The following MAP3K19 variants were observed in gnomAD, a reference collection of about 807,000 sequenced individuals.
MAP3K19 encodes mitogen-activated protein kinase kinase kinase 19.
In MAP3K19, 91 loss-of-function variants were observed where a neutral mutation model predicts 114.4. That is an observed-to-expected ratio of 0.80 (90% CI 0.67 to 0.95). The LOEUF is 0.95. Among genes scored for constraint, MAP3K19 ranks in the 40% least tolerant of loss-of-function variants. MAP3K19 has a pLI of 0.00. For missense variants in MAP3K19, 1,471 were observed against 1,573.2 expected, an observed-to-expected ratio of 0.94 and a Z score of 1.10; for synonymous variants, 518 against 530.5, an observed-to-expected ratio of 0.98 and a Z score of 0.32.
At position 135,031,007 on chromosome 2, in the gene MAP3K19, G is replaced by A. The variant is rs143398797; in HGVS notation, c.-283-507C>T. On this transcript the variant is annotated intron_variant, in intron 2 of 12. Transcript: ENST00000392915. ...ACAAGTATTTCTGCAAGTGTTTCTAGAAAGAGAGTAAACTCTATTCAATAT... is the reference window on the plus strand; with the variant it reads ...ACAAGTATTTCTGCAAGTGTTTCTAAAAAGAGAGTAAACTCTATTCAATAT... Among the ~76,000 whole-genome samples, 25 of 152,290 alleles carry A rather than the reference G, an allele frequency of 1.6e-4. No homozygotes were observed. In the East Asian group the frequency reaches 4.8e-3, roughly 29 times the overall value.
intron 5 of MAP3K19, among the ~76,000 whole-genome samples, chr2:135,016,593 T>C (rs1471287689): frequency 6.6e-6 from 1 of 152,180 alleles, no homozygotes; most frequent in Non-Finnish European, 1.5e-5. Flanking sequence ...CAAACGAATT[T>C]GGCAGAATTG....
intron 12 of MAP3K19, among the ~76,000 whole-genome samples, chr2:134,965,294 T>TA (rs1285081082): frequency 1.3e-5 from 2 of 152,232 alleles, no homozygotes; most frequent in South Asian, 2.1e-4. Context: ...AATTCACACT[T>TA]ACATTTACTT....
At chr2:135,015,073 T>G (rs965883524) in intron 5 of MAP3K19, among the ~76,000 whole-genome samples, 9 of 152,352 alleles carry the variant, frequency 5.9e-5, no homozygotes, top group African/African-American at 2.2e-4. Context: ...GGAGCAGAAT[T>G]GCTGGATTAT....
intron 12 of MAP3K19, among the ~76,000 whole-genome samples, chr2:134,971,123 C>G (rs1021746995): frequency 6.6e-6 from 1 of 152,090 alleles, no homozygotes; most frequent in East Asian, 1.9e-4. Context: ...GTTTTTATCA[C>G]AAAGGGATGT....
chr2:135,020,256 C>T (rs761990184), intron 5 of MAP3K19, among the ~76,000 whole-genome samples: 11 of 152,060 alleles, frequency 7.2e-5, no homozygotes, highest in South Asian at 6.2e-4. Context: ...TGACCTCAGG[C>T]GATCCACCTG....
chr2:134,977,642 G>A (rs1488108024), intron 12 of MAP3K19, among the ~76,000 whole-genome samples: 7 of 152,046 alleles, frequency 4.6e-5, no homozygotes, highest in South Asian at 2.1e-4. Flanking sequence ...GATTACTGGC[G>A]TGAGCCACCG....
chr2:135,040,786 AAG>A (rs1688631057), intron 1 of MAP3K19, among the ~76,000 whole-genome samples: 1 of 152,156 alleles, frequency 6.6e-6, no homozygotes, highest in African/African-American at 2.4e-5. Flanking sequence ...ATTATTTTGG[AAG>A]ATCTGCTGTG....
At position 134,986,691 on chromosome 2, in the gene MAP3K19, C is replaced by A. The variant is rs148962037; in HGVS notation, c.2181G>T (p.Lys727Asn). 185 of 1,614,098 alleles carry A rather than the reference C, an allele frequency of 1.1e-4. No individual in the cohort carries two copies. The African/African-American group carries it at 2.0e-3, about 17-fold the overall frequency. The change falls in exon 10 of 13, where the codon AAG becomes AAT. Residue 727 changes from lysine to asparagine, a missense_variant. Coordinates refer to ENST00000392915, the MANE Select transcript of MAP3K19 (RefSeq NM_025052.5). ...SQKKTHMKCP[K>N]TSFGIKQEHK... ...GCTCTTGTTTAATGCCAAATGAAGT[C>A]TTTGGGCATTTCATATGTGTTTTTT... is the stretch of plus-strand genomic sequence containing the variant.
intron 5 of MAP3K19, among the ~76,000 whole-genome samples, chr2:135,006,970 C>T (rs971886571): frequency 6.6e-6 from 1 of 151,916 alleles, no homozygotes; most frequent in Non-Finnish European, 1.5e-5. Context: ...TTGAGGCCAG[C>T]CTGGACAACA....
At chr2:135,021,628 T>G in intron 5 of MAP3K19, 87 bp downstream of exon 5, 1 of 662,834 alleles carries the variant, frequency 1.5e-6, no homozygotes. Flanking sequence ...AATTGTAATA[T>G]ATGAGTGTTA....
At chr2:135,029,511 T>C (rs988920390) in intron 3 of MAP3K19, among the ~76,000 whole-genome samples, 1 of 152,246 alleles carries the variant, frequency 6.6e-6, no homozygotes, top group Non-Finnish European at 1.5e-5. Context: ...TAGACTATCA[T>C]TTAGTCCAAC....
rs79861972 is a variant in MAP3K19 at position 134,978,966 on chromosome 2, G to A, written c.3920+1855C>T. On this transcript the variant is annotated intron_variant, in intron 12 of 12. Transcript: ENST00000392915. The stretch of plus-strand genomic sequence containing the variant: ...GGCCTGACTTCCCAGAACTTGATCT[G>A]TCAATAGGAGTACCCCCTCCATGCT... Among the ~76,000 whole-genome samples, 1,240 of 152,236 alleles carry A rather than the reference G, an allele frequency of 8.1e-3. 10 individuals are homozygous for A. Among genetic ancestry groups the A allele is most frequent in the African/African-American group, 0.028 (1,166 of 41,526 alleles).
intron 5 of MAP3K19, among the ~76,000 whole-genome samples, chr2:135,009,661 G>A (rs915308941): frequency 4.6e-5 from 7 of 152,006 alleles, no homozygotes; most frequent in South Asian, 4.2e-4. Flanking sequence ...GTTGGAAGCC[G>A]GCAGTGTGGT....
At position 134,983,715 on chromosome 2, in the gene MAP3K19, C is replaced by G. The variant is rs752844232; in HGVS notation, c.3183G>C (p.Trp1061Cys). ...CCTTTCCAAGAATCTCACCCTTGGT[C>G]CATAGGATAGGTTCTTCAGACTTTA... ...NSLKSEEPIL[W>C]TKGEILGKGA... Residue 1061 changes from tryptophan to cysteine, a missense_variant, in exon 11 of 13, where the codon TGG becomes TGC. Physicochemically the swap from Trp to Cys is radical, Grantham distance 215 (BLOSUM62 -2). Transcript: ENST00000392915. The G allele has an allele frequency of 1.9e-6, 3 of 1,592,050 alleles. No individual in the cohort carries two copies. In the East Asian group the frequency reaches 6.7e-5, roughly 36 times the overall value.
intron 3 of MAP3K19, among the ~76,000 whole-genome samples, chr2:135,028,319 G>C (rs1264017592): frequency 6.6e-6 from 1 of 152,160 alleles, no homozygotes; most frequent in Non-Finnish European, 1.5e-5. Context: ...ACTTTAGAAG[G>C]CTGAGGCATG....
intron 12 of MAP3K19, among the ~76,000 whole-genome samples, chr2:134,965,987 C>G (rs1683317340): frequency 1.3e-5 from 2 of 151,828 alleles, no homozygotes; most frequent in South Asian, 4.1e-4. Flanking sequence ...TGGTATTTGT[C>G]TTGCTGGGCC....
intron 1 of MAP3K19, among the ~76,000 whole-genome samples, chr2:135,040,785 GA>G (rs1190408705): frequency 8.5e-5 from 13 of 152,174 alleles, no homozygotes; most frequent in Non-Finnish European, 1.9e-4. Context: ...CATTATTTTG[GA>G]AGATCTGCTG....
intron 6 of MAP3K19, among the ~76,000 whole-genome samples, chr2:135,001,824 G>A (rs929063408): frequency 6.6e-6 from 1 of 152,218 alleles, no homozygotes; most frequent in Non-Finnish European, 1.5e-5. Context: ...GTGCTTCAAA[G>A]TCTGTTCATC....
intron 10 of MAP3K19, among the ~76,000 whole-genome samples, chr2:134,984,839 C>T (rs906025288): frequency 1.3e-5 from 2 of 152,116 alleles, no homozygotes; most frequent in Non-Finnish European, 2.9e-5. Context: ...GTAATCCCAG[C>T]TACTTGGGAG....
Sources: allele counts gnomAD v4.1 joint callset (sites outside exome capture counted in the v4.1 genomes callset), GRCh38; gene constraint gnomAD v4.1.1; transcripts MANE v1.5; gene names NCBI Gene and HGNC (gene_info 2026-07-23, HGNC 2026-07-21).